The following LAMA3 variants were observed in gnomAD, a reference collection of about 807,000 sequenced individuals.
LAMA3 encodes laminin subunit alpha-3.
LAMA3 carries 281 observed loss-of-function variants against 402.0 expected under a neutral mutation model. That is an observed-to-expected ratio of 0.70 (90% CI 0.63 to 0.77). The LOEUF (loss-of-function observed/expected upper bound fraction) is 0.77. Ranked by LOEUF, LAMA3 falls within the 30% of genes least tolerant of loss-of-function variation. The pLI is 0.00. For missense variants in LAMA3, 3,840 were observed against 4,215.5 expected, an observed-to-expected ratio of 0.91 and a Z score of 2.47; for synonymous variants, 1,431 against 1,558.4, an observed-to-expected ratio of 0.92 and a Z score of 1.93.
chr18:23,954,720 C>A lies in LAMA3; in HGVS notation c.*72C>A. 6.7e-7 allele frequency: 1 copy of A among 1,485,442 alleles called. No homozygotes were observed. Among genetic ancestry groups the A allele is most frequent in the Non-Finnish European group, 9.4e-7 (1 of 1,063,984 alleles). 92.0% of individuals were successfully genotyped at this position (1,485,442 alleles called of 1,614,324 possible). A position where few individuals can be genotyped will look rare whatever the true frequency, so the allele number is the denominator to read the frequency against. On this transcript the variant is annotated 3_prime_UTR_variant, in exon 75 of 75. Coordinates refer to ENST00000313654, the MANE Select transcript of LAMA3 (RefSeq NM_198129.4). ...TTACCCAATGCACCTCCCTCCCCAG[C>A]TCGAGATCATTCTTCACTCAGGACA...
chr18:23,930,839 A>G (rs1004020615), intron 64 of LAMA3, among the ~76,000 whole-genome samples: 5 of 152,250 alleles, frequency 3.3e-5, no homozygotes, highest in Non-Finnish European at 7.3e-5. Flanking sequence ...AATGATTTTG[A>G]CAAATTCATT....
intron 11 of LAMA3, 37 bp from the exon 12 acceptor site, chr18:23,783,986 A>T (rs1447928623): frequency 6.2e-7 from 1 of 1,613,416 alleles, no homozygotes. Flanking sequence ...GTGATGGAAG[A>T]TGGAGACCCC....
chr18:23,914,809 G>A lies in LAMA3; in HGVS notation c.7593G>A (p.Leu2531=), dbSNP rs753332450. ...DGRNSNTLLN[L]DPENVVFYVG... Reference sequence around the variant, plus strand: ...GAAATAGCAATACACTCCTTAATTTGGATCCTGAAAATGTTGTATTTTATG... The same window carrying A: ...GAAATAGCAATACACTCCTTAATTTAGATCCTGAAAATGTTGTATTTTATG... The change falls in exon 58 of 75, where the codon TTG becomes TTA. Residue 2531 remains leucine (L), a synonymous_variant. Transcript: ENST00000313654. 3.7e-6 allele frequency: 6 copies of A among 1,613,288 alleles called. No homozygotes were observed. In the South Asian group the frequency reaches 6.6e-5, roughly 18 times the overall value.
At chr18:23,736,513 A>T (rs2061477658) in intron 2 of LAMA3, among the ~76,000 whole-genome samples, 1 of 151,954 alleles carries the variant, frequency 6.6e-6, no homozygotes, top group South Asian at 2.1e-4. Context: ...GTGTACCGAA[A>T]GTTACATCAG....
chr18:23,907,766 T>C lies in LAMA3; in HGVS notation c.6846T>C (p.Asp2282=). ...CTGTGTGTGCATTAGGTGATATTGA[T>C]GCTATGATCAGTAGTGCAAAGAGCA... ...GLHGIQRGDI[D]AMISSAKSMV... The change falls in exon 54 of 75, where the codon GAT becomes GAC. Residue 2282 remains aspartate (D), a synonymous_variant. Coordinates refer to ENST00000313654, the MANE Select transcript of LAMA3 (RefSeq NM_198129.4). 6.2e-7 allele frequency: 1 copy of C among 1,614,194 alleles called. No homozygotes were observed. Among genetic ancestry groups the C allele is most frequent in the Non-Finnish European group, 8.5e-7 (1 of 1,180,030 alleles).
intron 34 of LAMA3, among the ~76,000 whole-genome samples, chr18:23,859,775 G>C (rs1300828367): frequency 6.6e-6 from 1 of 152,028 alleles, no homozygotes; most frequent in Non-Finnish European, 1.5e-5. Context: ...TTTCATGTAG[G>C]CATGATTGAT....
chr18:23,943,651 T>C (rs527715881), intron 68 of LAMA3, 137 bp from the exon 69 acceptor site: 61 of 743,534 alleles, frequency 8.2e-5, no homozygotes, highest in Admixed American at 1.5e-4. Flanking sequence ...AAACGGGTCA[T>C]TTAATCAGTA....
rs371254206 is a variant in LAMA3 at position 23,871,680 on chromosome 18, C to T, written c.4998+19C>T. ...TTGTCAGGTAGGAAGTTTTCCCATCCGCAACATTTCCCTAGGGAGCTCCTG... is the reference window on the plus strand; with the variant it reads ...TTGTCAGGTAGGAAGTTTTCCCATCTGCAACATTTCCCTAGGGAGCTCCTG... On this transcript the variant is annotated intron_variant, in intron 38 of 74. Transcript: ENST00000313654. 79 of 1,568,936 alleles carry T rather than the reference C, an allele frequency of 5.0e-5. No individual in the cohort carries two copies. Among genetic ancestry groups the T allele is most frequent in the South Asian group, 3.2e-4 (28 of 86,276 alleles).
intron 12 of LAMA3, among the ~76,000 whole-genome samples, chr18:23,789,519 A>G (rs1353879140): frequency 6.6e-6 from 1 of 152,244 alleles, no homozygotes; most frequent in African/African-American, 2.4e-5. Context: ...ATGCTACCAC[A>G]TGAATAAACC....
intron 2 of LAMA3, among the ~76,000 whole-genome samples, chr18:23,739,932 G>A (rs186885612): frequency 1.7e-3 from 262 of 152,314 alleles, no homozygotes; most frequent in African/African-American, 6.0e-3. Context: ...AAATCTCTTT[G>A]TTTTGGAAGA....
At chr18:23,901,069 T>C in intron 47 of LAMA3, 58 bp from the exon 48 acceptor site, 1 of 1,457,722 alleles carries the variant, frequency 6.9e-7, no homozygotes, top group South Asian at 1.2e-5. Context: ...GTAGTTTTTA[T>C]AACCCAGCTT....
chr18:23,736,253 T>G (rs1394476003), intron 2 of LAMA3, among the ~76,000 whole-genome samples: 2 of 150,492 alleles, frequency 1.3e-5, no homozygotes, highest in South Asian at 2.2e-4. Context: ...TGTATGTATT[T>G]TTAGACTTTG....
rs1198073917 is a variant in LAMA3, at chr18:23,890,102, C to T, written c.5395C>T (p.His1799Tyr). The T allele has an allele frequency of 6.2e-7, 1 of 1,612,374 alleles. No homozygotes were observed. The highest frequency in any genetic ancestry group is 1.3e-5 in the African/African-American group (1 of 74,888). The change falls in exon 42 of 75, where the codon CAT (histidine) becomes TAT (tyrosine). Residue 1799 changes from histidine to tyrosine, a missense_variant. By Grantham distance (83) the His-to-Tyr change is moderately conservative. This residue lies in a region of LAMA3 where 2,109 missense variants were observed against 2,376.0 expected (regional missense o/e 0.89). Transcript: ENST00000313654. ...CNSNGQLGSCHPLTGDCINQE... is the reference protein window; with the variant it reads ...CNSNGQLGSCYPLTGDCINQE... Reference sequence around the variant, plus strand: ...CAGCAATGGCCAGCTGGGCAGCTGTCATCCCCTGACTGGAGGTAAGGCCGA... The same window carrying T: ...CAGCAATGGCCAGCTGGGCAGCTGTTATCCCCTGACTGGAGGTAAGGCCGA...
At chr18:23,692,108 C>T (rs1002692818) in intron 1 of LAMA3, among the ~76,000 whole-genome samples, 4 of 152,324 alleles carry the variant, frequency 2.6e-5, no homozygotes, top group East Asian at 1.9e-4. Flanking sequence ...TGACTGTACA[C>T]GTCTTTTGCT....
intron 23 of LAMA3, among the ~76,000 whole-genome samples, chr18:23,829,428 A>C (rs141857840): frequency 6.6e-6 from 1 of 152,198 alleles, no homozygotes; most frequent in African/African-American, 2.4e-5. Context: ...CATCTGTTTC[A>C]GCCTGCTAAT....
At chr18:23,953,498 C>T (rs570529688) in intron 74 of LAMA3, among the ~76,000 whole-genome samples, 7 of 152,024 alleles carry the variant, frequency 4.6e-5, no homozygotes, top group East Asian at 1.9e-4. Context: ...CATGCCACCA[C>T]GCCTGGATAA....
rs1043582614 is a variant in LAMA3 at position 23,879,283 on chromosome 18, G to T, written c.5113-2653G>T. On this transcript the variant is annotated intron_variant, in intron 39 of 74. Transcript: ENST00000313654. The surrounding 1 kb of genome is among the most constrained non-coding windows in gnomAD (Gnocchi z 4.2). The stretch of plus-strand genomic sequence containing the variant: ...CCCCTTGCACTTCTGCCTTGGGCAC[G>T]CCCTTTGCTTTTCATTCCCTCCACA... Among the ~76,000 whole-genome samples, 2 of 152,114 alleles carry T rather than the reference G, an allele frequency of 1.3e-5. No homozygotes were observed. Among genetic ancestry groups the T allele is most frequent in the African/African-American group, 4.8e-5 (2 of 41,406 alleles).
At chr18:23,793,100 G>A (rs1229000096) in intron 12 of LAMA3, among the ~76,000 whole-genome samples, 1 of 152,164 alleles carries the variant, frequency 6.6e-6, no homozygotes, top group East Asian at 1.9e-4. Context: ...TAAGGAATGG[G>A]CAGGGATAAG....
chr18:23,937,987 A>T (rs2082363630), intron 67 of LAMA3, among the ~76,000 whole-genome samples: 1 of 152,118 alleles, frequency 6.6e-6, no homozygotes, highest in Non-Finnish European at 1.5e-5. Context: ...CAATAATAAT[A>T]ATCTCACACA....
Sources: allele counts gnomAD v4.1 joint callset (sites outside exome capture counted in the v4.1 genomes callset), GRCh38; gene constraint gnomAD v4.1.1; regional missense constraint gnomAD v4.1.1; non-coding constraint Gnocchi (gnomAD v3.1); transcripts MANE v1.5; gene names NCBI Gene and HGNC (gene_info 2026-07-23, HGNC 2026-07-21).